Variants in INPP4B observed in about 807,000 individuals in gnomAD.
The protein encoded by INPP4B is inositol polyphosphate 4-phosphatase type II.
INPP4B carries 55 observed loss-of-function variants against 122.5 expected under a neutral mutation model. The ratio of observed to expected loss-of-function variants is 0.45; its 90% confidence interval spans 0.36 to 0.56. The LOEUF (loss-of-function observed/expected upper bound fraction) is 0.56, where lower values mean the gene tolerates loss of function less well. Among genes scored for constraint, INPP4B ranks in the 20% least tolerant of loss-of-function variants. The pLI is 0.00. For missense variants in INPP4B, 1,000 were observed against 1,097.7 expected, an observed-to-expected ratio of 0.91 and a Z score of 1.26; for synonymous variants, 403 against 388.7, an observed-to-expected ratio of 1.04 and a Z score of -0.43.
chr4:142,644,511 A>G (rs147608829), intron 2 of INPP4B, among the ~76,000 whole-genome samples: 192 of 152,104 alleles, frequency 1.3e-3, no homozygotes, highest in African/African-American at 4.6e-3. Context: ...TTTGGTGATT[A>G]AAATGGTATT....
chr4:142,649,105 T>C (rs138417200), intron 2 of INPP4B, among the ~76,000 whole-genome samples: 1,753 of 152,174 alleles, frequency 0.012, 30 homozygotes, highest in African/African-American at 0.032. Flanking sequence ...CCAGCAAACT[T>C]CAACAGACCT....
At chr4:142,394,333 GAC>G (rs1471836484) in intron 7 of INPP4B, among the ~76,000 whole-genome samples, 1 of 152,180 alleles carries the variant, frequency 6.6e-6, no homozygotes, top group Non-Finnish European at 1.5e-5. Context: ...TTTTAGTAGA[GAC>G]AGGGTTTCAC....
chr4:142,420,297 TTCAGTTAAA>T (rs1806592115), intron 5 of INPP4B, among the ~76,000 whole-genome samples: 1 of 152,042 alleles, frequency 6.6e-6, no homozygotes, highest in South Asian at 2.1e-4. Context: ...TCAACAACAG[TTCAGTTAAA>T]TGATATAGTC....
At chr4:142,338,616 T>G (rs1777657871) in intron 7 of INPP4B, among the ~76,000 whole-genome samples, 1 of 152,192 alleles carries the variant, frequency 6.6e-6, no homozygotes, top group Non-Finnish European at 1.5e-5. Flanking sequence ...TGAGTTGGCT[T>G]TTGTTTTTCC....
intron 1 of INPP4B, among the ~76,000 whole-genome samples, chr4:142,735,919 A>G (rs1766798982): frequency 8.0e-6 from 1 of 124,760 alleles, no homozygotes; most frequent in Non-Finnish European, 1.6e-5. Flanking sequence ...CATTCTATAC[A>G]TTGCAACACA....
chr4:142,203,575 T>C (rs1841547572), intron 14 of INPP4B, among the ~76,000 whole-genome samples: 1 of 152,076 alleles, frequency 6.6e-6, no homozygotes, highest in Admixed American at 6.6e-5. Context: ...GTGGTGAGTA[T>C]TCTACTTGTT....
chr4:142,032,935 C>CT (rs147654038), intron 25 of INPP4B, among the ~76,000 whole-genome samples: 14,000 of 148,838 alleles, frequency 0.094, 1,043 homozygotes, highest in African/African-American at 0.21. Flanking sequence ...TCCCTCCTGC[C>CT]TTTTTTTTTT....
intron 23 of INPP4B, among the ~76,000 whole-genome samples, chr4:142,099,782 A>G (rs779408516): frequency 6.6e-6 from 1 of 152,182 alleles, no homozygotes; most frequent in Non-Finnish European, 1.5e-5. Context: ...TGCTTAGGTC[A>G]TTCAACTATT....
chr4:142,370,813 C>G (rs1315769855), intron 7 of INPP4B, among the ~76,000 whole-genome samples: 1 of 152,002 alleles, frequency 6.6e-6, no homozygotes, highest in Non-Finnish European at 1.5e-5. Flanking sequence ...AAAAACAACC[C>G]ATGCTCATGG....
chr4:142,082,759 C>T (rs779193323), intron 24 of INPP4B, among the ~76,000 whole-genome samples: 1 of 152,080 alleles, frequency 6.6e-6, no homozygotes, highest in Non-Finnish European at 1.5e-5. Context: ...TAGAAATGGC[C>T]ACTGTTTATT....
At chr4:142,524,238 T>A (rs1826517053) in intron 2 of INPP4B, among the ~76,000 whole-genome samples, 1 of 152,186 alleles carries the variant, frequency 6.6e-6, no homozygotes, top group Admixed American at 6.6e-5. Context: ...CCGCACCGAC[T>A]TCCACAATGG....
chr4:142,504,910 A>G (rs1823813632), intron 2 of INPP4B, among the ~76,000 whole-genome samples: 1 of 152,060 alleles, frequency 6.6e-6, no homozygotes, highest in Non-Finnish European at 1.5e-5. Context: ...ACGTGATGTG[A>G]TGTGATTGGT....
intron 4 of INPP4B, among the ~76,000 whole-genome samples, chr4:142,430,166 A>G (rs1418299224): frequency 6.6e-6 from 1 of 152,132 alleles, no homozygotes; most frequent in African/African-American, 2.4e-5. Flanking sequence ...TATAAAAATT[A>G]ACTGCTTTTT....
At chr4:142,669,705 A>G (rs559153732) in intron 2 of INPP4B, among the ~76,000 whole-genome samples, 6 of 152,326 alleles carry the variant, frequency 3.9e-5, no homozygotes, top group African/African-American at 1.4e-4. Flanking sequence ...TTATAAAACT[A>G]CTTGAAGAAA....
intron 2 of INPP4B, among the ~76,000 whole-genome samples, chr4:142,696,912 T>A (rs901547503): frequency 6.6e-6 from 1 of 152,204 alleles, no homozygotes; most frequent in African/African-American, 2.4e-5. Flanking sequence ...AGCAAGGAAG[T>A]AGATAAAACC....
At chr4:142,258,442 G>T (rs900407216) in intron 11 of INPP4B, among the ~76,000 whole-genome samples, 2 of 152,024 alleles carry the variant, frequency 1.3e-5, no homozygotes, top group African/African-American at 2.4e-5. Flanking sequence ...GAAAATTTTC[G>T]CAACCTACTC....
chr4:142,367,924 G>T (rs959417305), intron 7 of INPP4B, among the ~76,000 whole-genome samples: 3 of 152,104 alleles, frequency 2.0e-5, no homozygotes, highest in Admixed American at 6.6e-5. Context: ...ACAGGAAGTT[G>T]GAAATATTAC....
At chr4:142,496,998 T>C (rs1822668363) in intron 2 of INPP4B, 1 of 152,138 alleles carries the variant, frequency 6.6e-6, no homozygotes, top group Non-Finnish European at 1.5e-5. Flanking sequence ...AAATGCTGTT[T>C]CATGCTGTAT....
rs146019657 is a variant in INPP4B at position 142,785,242 on chromosome 4, T to C, written c.-253-59341A>G. Reference sequence around the variant, plus strand: ...GTCAGAAAAACATAAAACTTCCCCCTAAATTTACTATTATCCAATACATCA... The same window carrying C: ...GTCAGAAAAACATAAAACTTCCCCCCAAATTTACTATTATCCAATACATCA... On this transcript the variant is annotated intron_variant, in intron 1 of 25. Transcript: ENST00000262992. Among the ~76,000 whole-genome samples, 374 of 152,164 alleles carry C rather than the reference T, an allele frequency of 2.5e-3. 5 individuals are homozygous for C. Among genetic ancestry groups the C allele is most frequent in the East Asian group, 0.019 (96 of 5,174 alleles).
Sources: allele counts gnomAD v4.1 joint callset (sites outside exome capture counted in the v4.1 genomes callset), GRCh38; gene constraint gnomAD v4.1.1; transcripts MANE v1.5; gene names NCBI Gene and HGNC (gene_info 2026-07-23, HGNC 2026-07-21).